ATP7A: variants seen among roughly 807,000 people sequenced by gnomAD.
ATP7A encodes ATPase copper transporting alpha, also known as copper-transporting ATPase 1.
Under a neutral mutation model 83.5 loss-of-function variants are expected in ATP7A, and 7 were observed. That is an observed-to-expected ratio of 0.08 (90% CI 0.05 to 0.16). The LOEUF is 0.16. ATP7A is among the 10% of genes least tolerant of loss of function. The pLI is 1.00. For synonymous variants in ATP7A, 354 were observed against 395.2 expected, an observed-to-expected ratio of 0.90 and a Z score of 1.24; for missense variants, 940 against 1,120.8, an observed-to-expected ratio of 0.84 and a Z score of 2.30.
intron 1 of ATP7A, chrX:77,968,857 A>G: frequency 2.5e-6 from 3 of 1,210,348 alleles, no homozygotes; most frequent in Non-Finnish European, 3.4e-6. Context: ...TGGGGACAGT[A>G]TCCTCCCCGC....
chrX:77,945,501 T>G (rs1557226096), intron 1 of ATP7A, among the ~76,000 whole-genome samples: 3 of 112,318 alleles, frequency 2.7e-5, no homozygotes, highest in Non-Finnish European at 5.6e-5. Flanking sequence ...TTTGACTTTA[T>G]AAATCTTTCT....
chrX:78,001,601 C>T (rs2077738934), intron 5 of ATP7A, among the ~76,000 whole-genome samples: 1 of 111,649 alleles, frequency 9.0e-6, no homozygotes, highest in Admixed American at 9.6e-5. Context: ...TTACAACCCC[C>T]ACTATCCTGT....
chrX:78,020,825 A>G (rs2077900608), intron 13 of ATP7A, 120 bp from the exon 14 acceptor site: 9 of 831,852 alleles, frequency 1.1e-5, no homozygotes, highest in Middle Eastern at 4.2e-4. Context: ...CTGGCCATTA[A>G]CATGAAGTTT....
intron 1 of ATP7A, among the ~76,000 whole-genome samples, chrX:77,918,066 CTTTTT>C (rs1311945353): frequency 1.1e-5 from 1 of 90,604 alleles, no homozygotes; most frequent in Non-Finnish European, 2.2e-5. Flanking sequence ...TGTTCAGGCA[CTTTTT>C]TTTTTTTTTT....
chrX:78,023,378 C>T (rs1557236039), intron 14 of ATP7A, among the ~76,000 whole-genome samples: 1 of 112,620 alleles, frequency 8.9e-6, no homozygotes. Flanking sequence ...AATCTCCAGA[C>T]TGTTTTCCGT....
At chrX:77,972,165 A>G (rs1379580105) in intron 2 of ATP7A, among the ~76,000 whole-genome samples, 2 of 111,160 alleles carry the variant, frequency 1.8e-5, no homozygotes, top group Non-Finnish European at 3.8e-5. Context: ...GAAAATGTCT[A>G]GAGAATTACT....
chrX:77,956,886 C>T (rs1439473618), intron 1 of ATP7A, among the ~76,000 whole-genome samples: 1 of 107,115 alleles, frequency 9.3e-6, no homozygotes, highest in African/African-American at 3.4e-5. Context: ...CAGCCTTGAC[C>T]TCCTGGGCTT....
At chrX:77,957,181 A>G (rs964909625) in intron 1 of ATP7A, among the ~76,000 whole-genome samples, 1 of 111,222 alleles carries the variant, frequency 9.0e-6, no homozygotes, top group Admixed American at 9.6e-5. Context: ...GGGTATTTGT[A>G]TGTCTTCTTT....
rs1158164952 is a variant in ATP7A, at chrX:78,005,703, A to AG, written c.1707+2467_1707+2468insG. 2.7e-4 allele frequency among the ~76,000 whole-genome samples: 29 copies of AG among 105,783 alleles called. No homozygotes were observed. In the East Asian group the frequency reaches 8.5e-3, roughly 31 times the overall value. 91.9% of individuals were successfully genotyped at this position (105,783 alleles called of 115,157 possible). On this transcript the variant is annotated intron_variant, in intron 6 of 22. Coordinates refer to ENST00000341514, the MANE Select transcript of ATP7A (RefSeq NM_000052.7). The stretch of plus-strand genomic sequence containing the variant: ...CATCTCAAAAAAAAAAAAAAAAAAA[A>AG]AAAGAAAAAAAAAGAAGAAAAAAAC...
At chrX:77,987,704 C>G (rs2077646475) in intron 2 of ATP7A, among the ~76,000 whole-genome samples, 1 of 111,058 alleles carries the variant, frequency 9.0e-6, no homozygotes, top group Admixed American at 9.7e-5. Flanking sequence ...ATGAATACTG[C>G]CTTCACTCAT....
chrX:77,916,005 G>A (rs2077183024), intron 1 of ATP7A, among the ~76,000 whole-genome samples: 1 of 111,951 alleles, frequency 8.9e-6, no homozygotes, highest in African/African-American at 3.2e-5. Context: ...ACAGGTTTGA[G>A]CTACCGCTCC....
Position 78,033,706 on chromosome X carries a change from G to T in ATP7A, c.3396G>T (p.Lys1132Asn), listed in dbSNP as rs782548907. The change falls in exon 17 of 23, where the codon AAG becomes AAT. Residue 1132 changes from lysine to asparagine, a missense_variant. Lys to Asn is a moderately conservative substitution (Grantham distance 94, BLOSUM62 0). This residue lies in a region of ATP7A where 386 missense variants were observed against 502.2 expected (regional missense o/e 0.77). Transcript: ENST00000341514. ...KVTNIEGLLHKNNWNIEDNNI... is the reference protein window; with the variant it reads ...KVTNIEGLLHNNNWNIEDNNI... ...CCAATATTGAAGGCTTGCTACATAAGAATAACTGGAATATAGAGGACAATA... is the reference window on the plus strand; with the variant it reads ...CCAATATTGAAGGCTTGCTACATAATAATAACTGGAATATAGAGGACAATA... 3.3e-6 allele frequency: 4 copies of T among 1,207,693 alleles called. No individual in the cohort carries two copies. The highest frequency in any genetic ancestry group is 4.5e-6 in the Non-Finnish European group (4 of 893,638).
chrX:77,990,865 A>T (rs2077665298), intron 4 of ATP7A, among the ~76,000 whole-genome samples: 1 of 112,179 alleles, frequency 8.9e-6, no homozygotes, highest in Non-Finnish European at 1.9e-5. Context: ...AGAATGAAAG[A>T]TATCAAATAG....
intron 7 of ATP7A, among the ~76,000 whole-genome samples, chrX:78,010,352 C>T (rs368454121): frequency 2.7e-5 from 3 of 111,846 alleles, no homozygotes; most frequent in African/African-American, 6.5e-5. Context: ...ATTCACTGTG[C>T]ACTGCCAACA....
chrX:78,027,020 C>T (rs183024567), intron 14 of ATP7A, among the ~76,000 whole-genome samples: 27 of 109,959 alleles, frequency 2.5e-4, no homozygotes, highest in Admixed American at 2.4e-3. Flanking sequence ...CATGGTGGCA[C>T]GCACCTGTAA....
chrX:78,035,958 C>G (rs1557237696), intron 17 of ATP7A, among the ~76,000 whole-genome samples: 1 of 111,874 alleles, frequency 8.9e-6, no homozygotes, highest in Non-Finnish European at 1.9e-5. Context: ...ATTTACCTGC[C>G]TGTTTCTACT....
At chrX:78,027,854 AAT>A (rs201099804) in intron 14 of ATP7A, among the ~76,000 whole-genome samples, 1,342 of 111,257 alleles carry the variant, frequency 0.012, 8 homozygotes, top group Non-Finnish European at 0.018. Context: ...CACCCTATTC[AAT>A]ATATGATATT....
intron 1 of ATP7A, among the ~76,000 whole-genome samples, chrX:77,956,071 T>C (rs933518115): frequency 2.7e-5 from 3 of 111,556 alleles, no homozygotes; most frequent in African/African-American, 9.8e-5. Context: ...ATTCCATATT[T>C]TGGCTATTGC....
chrX:78,037,926 A>T (rs943319493), intron 17 of ATP7A, among the ~76,000 whole-genome samples: 1 of 102,515 alleles, frequency 9.8e-6, no homozygotes, highest in East Asian at 3.3e-4. Flanking sequence ...AAGTTTTGCT[A>T]TGTACAGAAG....
Sources: allele counts gnomAD v4.1 joint callset (sites outside exome capture counted in the v4.1 genomes callset), GRCh38; gene constraint gnomAD v4.1.1; regional missense constraint gnomAD v4.1.1; transcripts MANE v1.5; gene names NCBI Gene and HGNC (gene_info 2026-07-23, HGNC 2026-07-21).